COL3A1: variants seen among roughly 807,000 people sequenced by gnomAD.
COL3A1 encodes collagen type III alpha 1 chain, also known as collagen alpha-1(III) chain.
A neutral mutation model predicts 200.9 loss-of-function variants in COL3A1; 46 were observed. The ratio of observed to expected loss-of-function variants is 0.23; its 90% confidence interval spans 0.18 to 0.29. COL3A1 has a LOEUF of 0.29. Among genes scored for constraint, COL3A1 ranks in the 10% least tolerant of loss-of-function variants. The probability of loss-of-function intolerance (pLI) is 1.00; values close to 1 mark genes in which losing one functional copy is unlikely to be tolerated. For synonymous variants in COL3A1, 650 were observed against 628.0 expected (o/e 1.03, Z -0.52); for missense variants, 1,367 against 1,917.6 (o/e 0.71, Z 5.36).
chr2:188,995,159 A>G, intron 21 of COL3A1, 60 bp downstream of exon 21: 2 of 1,482,254 alleles, frequency 1.3e-6, no homozygotes, highest in South Asian at 2.3e-5. Context: ...CAGTTCTTGT[A>G]TACAATTTCT....
intron 1 of COL3A1, among the ~76,000 whole-genome samples, chr2:188,980,502 A>G (rs1687930389): frequency 6.7e-6 from 1 of 150,282 alleles, no homozygotes; most frequent in Non-Finnish European, 1.5e-5. Flanking sequence ...ATCAACTTAA[A>G]GGACATTTCT....
intron 1 of COL3A1, among the ~76,000 whole-genome samples, chr2:188,983,693 T>C (rs987118217): frequency 2.6e-5 from 4 of 151,934 alleles, no homozygotes; most frequent in Admixed American, 2.6e-4. Flanking sequence ...TTAAATATCT[T>C]GGCTTTGAGA....
chr2:189,011,066 A>G (rs922984459), intron 50 of COL3A1, among the ~76,000 whole-genome samples, 176 bp downstream of exon 50: 1 of 152,244 alleles, frequency 6.6e-6, no homozygotes, highest in Non-Finnish European at 1.5e-5. Flanking sequence ...ATGCAACAAA[A>G]TGGATCTTAG....
At chr2:188,986,804 A>G (rs539037033) in intron 4 of COL3A1, among the ~76,000 whole-genome samples, 1 of 152,136 alleles carries the variant, frequency 6.6e-6, no homozygotes, top group South Asian at 2.1e-4. Flanking sequence ...ATAATAGGAA[A>G]AATTGGGGGG....
intron 4 of COL3A1, among the ~76,000 whole-genome samples, chr2:188,986,618 G>A (rs1223834636): frequency 6.6e-6 from 1 of 151,792 alleles, no homozygotes; most frequent in Admixed American, 6.6e-5. Context: ...AGAATCCAGG[G>A]GATATGAATT....
chr2:189,011,604 T>C (rs750421706), intron 50 of COL3A1, 24 bp from the exon 51 acceptor site: 14 of 1,613,798 alleles, frequency 8.7e-6, no homozygotes, highest in Middle Eastern at 1.7e-4. Flanking sequence ...GTCATGATCA[T>C]GTACATTTTG....
intron 41 of COL3A1, chr2:189,005,760 A>G (rs1688571570): frequency 4.1e-6 from 1 of 245,640 alleles, no homozygotes; most frequent in Non-Finnish European, 7.7e-6. Flanking sequence ...ACGGTTATCT[A>G]TGGTTAGTCT....
intron 11 of COL3A1, 113 bp from the exon 12 acceptor site, chr2:188,991,374 A>T: frequency 1.4e-6 from 1 of 704,566 alleles, no homozygotes; most frequent in Admixed American, 3.3e-5. Context: ...ATATTGTTAA[A>T]ATGTATATCT....
rs1688358826 is a variant in COL3A1, at chr2:188,997,622, A to G, written c.1870-78A>G. ...ACATCACTACTTTTATAATTAAGCA[A>G]CAGGCCTGTTGAAATGGATACTGTA... On this transcript the variant is annotated intron_variant, in intron 26 of 50. Transcript: ENST00000304636. 3.5e-6 allele frequency: 5 copies of G among 1,420,842 alleles called. No individual in the cohort carries two copies. In the South Asian group the frequency reaches 5.9e-5, roughly 17 times the overall value. The allele number at this position is 1,420,842 out of a possible 1,614,324, so 88.0% of individuals were successfully genotyped here. A position where few individuals can be genotyped will look rare whatever the true frequency, so the allele number is the denominator to read the frequency against.
intron 40 of COL3A1, among the ~76,000 whole-genome samples, chr2:189,005,089 A>C (rs1321030979): frequency 6.6e-6 from 1 of 152,148 alleles, no homozygotes; most frequent in Non-Finnish European, 1.5e-5. Flanking sequence ...TATTCATCTC[A>C]GATTACAATG....
chr2:188,998,148 C>G (rs1688370800), intron 27 of COL3A1, 118 bp from the exon 28 acceptor site: 1 of 876,756 alleles, frequency 1.1e-6, no homozygotes, highest in Non-Finnish European at 1.9e-6. Context: ...ACGTTTCTAC[C>G]CCTACAAGAC....
At position 189,004,930 on chromosome 2, in the gene COL3A1, T is replaced by G. The variant is rs141585680; in HGVS notation, c.2932-420T>G. The stretch of plus-strand genomic sequence containing the variant: ...GTAATATTGTCATAAAATTAATATT[T>G]CATATTTAAGTGTGTTCAATTGATA... On this transcript the variant is annotated intron_variant, in intron 40 of 50. Transcript: ENST00000304636. Among the ~76,000 whole-genome samples, 5 of 152,348 alleles carry G rather than the reference T, an allele frequency of 3.3e-5. No homozygotes were observed. The East Asian group carries it at 9.6e-4, about 29-fold the overall frequency.
intron 1 of COL3A1, among the ~76,000 whole-genome samples, chr2:188,975,871 A>T (rs1345220169): frequency 1.4e-5 from 2 of 147,772 alleles, no homozygotes; most frequent in African/African-American, 5.0e-5. Context: ...ACTTCTCTTC[A>T]CTCATCACCC....
intron 5 of COL3A1, among the ~76,000 whole-genome samples, chr2:188,987,735 C>T (rs563142694): frequency 2.0e-5 from 3 of 151,984 alleles, no homozygotes; most frequent in South Asian, 2.1e-4. Context: ...GGCTGCCAAG[C>T]GAGAAATTGC....
intron 1 of COL3A1, among the ~76,000 whole-genome samples, chr2:188,975,449 A>G (rs1687788949): frequency 6.6e-6 from 1 of 152,180 alleles, no homozygotes; most frequent in African/African-American, 2.4e-5. Context: ...TCTTTTATTT[A>G]CCATAGTCAT....
chr2:189,012,048 T>C lies in COL3A1; in HGVS notation c.*274T>C, dbSNP rs569849540. 1.3e-5 allele frequency: 6 copies of C among 453,524 alleles called. No homozygotes were observed. The East Asian group carries it at 2.7e-4, about 20-fold the overall frequency. The allele number at this position is 453,524 out of a possible 1,614,324, so 28.1% of individuals were successfully genotyped here. A position where few individuals can be genotyped will look rare whatever the true frequency, so the allele number is the denominator to read the frequency against. On this transcript the variant is annotated 3_prime_UTR_variant, in exon 51 of 51. Transcript: ENST00000304636. ...ATAATAAATAAACTTCAACACTCTT[T>C]ATGATAACAACACTGTGTTATATTC...
intron 24 of COL3A1, 114 bp downstream of exon 24, chr2:188,996,610 T>C (rs575404209): frequency 1.7e-3 from 1,467 of 858,200 alleles, no homozygotes; most frequent in Non-Finnish European, 2.4e-3. Flanking sequence ...TGGAGGAGTA[T>C]ATGAAAATCA....
At position 188,974,482 on chromosome 2, in the gene COL3A1, A is replaced by AC. The variant is rs751438506; in HGVS notation, c.-8_-7insC. ...TTGCACAAAGAGTCTCATGTCTGATATTTAGACATGATGAGCTTTGTGCAA... is the reference window on the plus strand; with the variant it reads ...TTGCACAAAGAGTCTCATGTCTGATACTTTAGACATGATGAGCTTTGTGCAA... On this transcript the variant is annotated 5_prime_UTR_variant, in exon 1 of 51. An upstream open reading frame in the 5' UTR gains an earlier in-frame stop. Transcript: ENST00000304636. 1.9e-6 allele frequency: 3 copies of AC among 1,606,900 alleles called. No individual in the cohort carries two copies. Among genetic ancestry groups the AC allele is most frequent in the Non-Finnish European group, 2.6e-6 (3 of 1,173,514 alleles).
rs373856456 is a variant in COL3A1 at position 189,008,908 on chromosome 2, G to A, written c.3526-16G>A. Reference sequence around the variant, plus strand: ...GAATGTGCATACCTCAATGATCCATGTTTTACTCATTCTAGGGCTCCCCAG... The same window carrying A: ...GAATGTGCATACCTCAATGATCCATATTTTACTCATTCTAGGGCTCCCCAG... On this transcript the variant is annotated splice_polypyrimidine_tract_variant and intron_variant, in intron 47 of 50. Transcript: ENST00000304636. 51 of 1,612,836 alleles carry A rather than the reference G, an allele frequency of 3.2e-5. No homozygotes were observed. Among genetic ancestry groups the A allele is most frequent in the Non-Finnish European group, 4.1e-5 (48 of 1,179,646 alleles).
Sources: gnomAD v4.1 joint callset for allele counts (sites outside exome capture counted in the v4.1 genomes callset) on GRCh38, gnomAD v4.1.1 for gene constraint, MANE v1.5 for transcripts, NCBI Gene and HGNC (gene_info 2026-07-23, HGNC 2026-07-21) for gene names.